Variants in COL10A1 observed in about 807,000 individuals in gnomAD.
COL10A1 encodes collagen type X alpha 1 chain.
A neutral mutation model predicts 18.2 loss-of-function variants in COL10A1; 10 were observed. The observed-to-expected ratio is 0.55, with a 90% confidence interval of 0.34 to 0.93. COL10A1 has a LOEUF of 0.93. COL10A1 is among the 40% of genes least tolerant of loss of function. The pLI is 0.02. For missense variants in COL10A1, 897 were observed against 853.5 expected (o/e 1.05, Z -0.64); for synonymous variants, 330 against 316.6 (o/e 1.04, Z -0.45).
Position 116,120,069 on chromosome 6 carries a change from G to A in COL10A1, c.*4C>T, listed in dbSNP as rs762806219. ...CACAAGATTTAGATTAGCTCTGTGTGTACTCACATTGGAGCCACTAGGAAT... is the reference window on the plus strand; with the variant it reads ...CACAAGATTTAGATTAGCTCTGTGTATACTCACATTGGAGCCACTAGGAAT... On this transcript the variant is annotated 3_prime_UTR_variant, in exon 3 of 3. Transcript: ENST00000651968. 3.7e-6 allele frequency: 6 copies of A among 1,611,960 alleles called. No individual in the cohort carries two copies. Among genetic ancestry groups the A allele is most frequent in the Non-Finnish European group, 5.1e-6 (6 of 1,178,092 alleles).
At chr6:116,123,138 G>A (rs1779186526) in intron 2 of COL10A1, among the ~76,000 whole-genome samples, 1 of 152,076 alleles carries the variant, frequency 6.6e-6, no homozygotes, top group Admixed American at 6.6e-5. Flanking sequence ...CTGATTATAA[G>A]GGTCATGTTC....
At chr6:116,206,168 G>T in the COL10A1 span, among the ~76,000 whole-genome samples, 20 of 151,998 alleles carry the variant, frequency 1.3e-4, no homozygotes, top group Admixed American at 9.2e-4. Flanking sequence ...TGCATTTTGG[G>T]CCCATGCAGG....
chr6:116,198,889 G>A, the COL10A1 span, among the ~76,000 whole-genome samples: 1 of 152,050 alleles, frequency 6.6e-6, no homozygotes, highest in East Asian at 1.9e-4. Context: ...GCCACCAATA[G>A]AAAACTAATT....
chr6:116,215,035 G>A, the COL10A1 span, among the ~76,000 whole-genome samples: 1 of 152,048 alleles, frequency 6.6e-6, no homozygotes, highest in Non-Finnish European at 1.5e-5. Flanking sequence ...CTTGTGAAAA[G>A]TGTCATCCAG....
intron 1 of COL10A1, among the ~76,000 whole-genome samples, chr6:116,151,129 A>G (rs538318736): frequency 2.0e-5 from 3 of 152,326 alleles, no homozygotes; most frequent in Non-Finnish European, 4.4e-5. Context: ...AATTTGTATC[A>G]TCTGCTCAGC....
At chr6:116,161,720 G>T (rs917248545), upstream of COL10A1, among the ~76,000 whole-genome samples, 1 of 152,040 alleles carries the variant, frequency 6.6e-6, no homozygotes, top group African/African-American at 2.4e-5. Context: ...GGCTCTTATG[G>T]GTTCCATATG....
At chr6:116,177,196 T>A in the COL10A1 span, among the ~76,000 whole-genome samples, 29 of 152,242 alleles carry the variant, frequency 1.9e-4, no homozygotes, top group African/African-American at 5.3e-4. Context: ...CAACAAATTC[T>A]CAATACAAAT....
At chr6:116,205,338 T>G in the COL10A1 span, among the ~76,000 whole-genome samples, 1 of 151,772 alleles carries the variant, frequency 6.6e-6, no homozygotes, top group Non-Finnish European at 1.5e-5. Flanking sequence ...CTTCAGACTT[T>G]TTTTTTATGT....
At chr6:116,125,318 A>G (rs1484763269) in intron 2 of COL10A1, 21 bp downstream of exon 2, 2 of 1,611,962 alleles carry the variant, frequency 1.2e-6, no homozygotes, top group Non-Finnish European at 1.7e-6. Flanking sequence ...TTAATAGAAC[A>G]AAATATACAA....
At chr6:116,175,942 T>G in the COL10A1 span, among the ~76,000 whole-genome samples, 9 of 152,138 alleles carry the variant, frequency 5.9e-5, no homozygotes, top group Non-Finnish European at 1.0e-4. Context: ...AGCGCTGGGT[T>G]GTTTGGGGGC....
the COL10A1 span, among the ~76,000 whole-genome samples, chr6:116,177,058 T>C: frequency 3.9e-5 from 6 of 152,200 alleles, no homozygotes; most frequent in Non-Finnish European, 7.3e-5. Flanking sequence ...ATCTGAAGTT[T>C]TGATTTATAG....
upstream of COL10A1, among the ~76,000 whole-genome samples, chr6:116,163,141 A>AAAAAATATATATATATAT (rs761718922): frequency 2.4e-4 from 21 of 88,388 alleles, no homozygotes; most frequent in African/African-American, 1.0e-3. Context: ...AAAAAAAAAA[A>AAAAAATATATATATATAT]ATATATATAT....
chr6:116,209,775 C>T, the COL10A1 span, among the ~76,000 whole-genome samples: 1 of 151,770 alleles, frequency 6.6e-6, no homozygotes, highest in Non-Finnish European at 1.5e-5. Flanking sequence ...AGAACTTCTG[C>T]AGAAATCCTG....
the COL10A1 span, among the ~76,000 whole-genome samples, chr6:116,200,929 C>T: frequency 1.3e-5 from 2 of 151,986 alleles, no homozygotes; most frequent in Non-Finnish European, 1.5e-5. Flanking sequence ...TACAACTTAC[C>T]AGTGCTTTTT....
chr6:116,133,872 C>A (rs1260829392), intron 1 of COL10A1, among the ~76,000 whole-genome samples: 1 of 152,082 alleles, frequency 6.6e-6, no homozygotes, highest in East Asian at 1.9e-4. Context: ...AAAAATGTAA[C>A]AAATAGAAAA....
chr6:116,151,938 T>G (rs547120756), intron 1 of COL10A1, among the ~76,000 whole-genome samples: 5 of 152,316 alleles, frequency 3.3e-5, no homozygotes, highest in Admixed American at 3.3e-4. Flanking sequence ...TAAGAACATG[T>G]TATTTGGGGA....
At chr6:116,158,996 T>G (rs1233611774), upstream of COL10A1, among the ~76,000 whole-genome samples, 7 of 152,164 alleles carry the variant, frequency 4.6e-5, no homozygotes, top group African/African-American at 1.7e-4. Context: ...AATGCTTGCA[T>G]TAGAATAGCT....
chr6:116,127,757 A>G (rs1338341474), upstream of COL10A1, among the ~76,000 whole-genome samples: 1 of 152,170 alleles, frequency 6.6e-6, no homozygotes, highest in Non-Finnish European at 1.5e-5. Context: ...ATGCACACAC[A>G]TACTGCTATT....
chr6:116,156,459 C>T (rs904115282), intron 1 of COL10A1, among the ~76,000 whole-genome samples: 1 of 152,104 alleles, frequency 6.6e-6, no homozygotes, highest in African/African-American at 2.4e-5. Flanking sequence ...TAGTCTGCCT[C>T]ATAAGGGATT....
Sources: allele counts gnomAD v4.1 joint callset (sites outside exome capture counted in the v4.1 genomes callset), GRCh38; gene constraint gnomAD v4.1.1; transcripts MANE v1.5; gene names NCBI Gene and HGNC (gene_info 2026-07-23, HGNC 2026-07-21).